The following CKB variants were observed in gnomAD, a reference collection of about 807,000 sequenced individuals.
CKB encodes the protein creatine kinase B, also known as creatine kinase B-type.
In CKB, 15 loss-of-function variants were observed where a neutral mutation model predicts 36.9. That is an observed-to-expected ratio of 0.41 (90% CI 0.27 to 0.63). The LOEUF (loss-of-function observed/expected upper bound fraction) is 0.63, where lower values mean the gene tolerates loss of function less well. Ranked by LOEUF, CKB falls within the 20% of genes least tolerant of loss-of-function variation. CKB has a pLI of 0.34. For missense variants in CKB, 413 were observed against 534.9 expected, an observed-to-expected ratio of 0.77 and a Z score of 2.25; for synonymous variants, 250 against 228.2, an observed-to-expected ratio of 1.10 and a Z score of -0.86.
Position 103,520,568 on chromosome 14 carries a change from C to A in CKB, c.678G>T (p.Leu226=), listed in dbSNP as rs746220920. 3 of 1,613,034 alleles carry A rather than the reference C, an allele frequency of 1.9e-6. No individual in the cohort carries two copies. Among genetic ancestry groups the A allele is most frequent in the Non-Finnish European group, 2.5e-6 (3 of 1,179,748 alleles). ...GIWHNDNKTF[L]VWVNEEDHLR... ...GGTGGTCCTCCTCGTTGACCCACAC[C>A]AGGAAGGTCTTATTGTCATTGTGCC... The change falls in exon 6 of 8, where the codon CTG becomes CTT. Residue 226 remains leucine (L), a synonymous_variant. Transcript: ENST00000348956.
chr14:103,521,414 C>T lies in CKB; in HGVS notation c.502G>A (p.Asp168Asn), dbSNP rs1298678380. ...AVEALSSLDG[D>N]LAGRYYALKS... is the part of the protein sequence containing the mutation. ...AGCGCGTAGTATCGGCCCGCCAGGTCGCCGTCCAGGCTGGACAGGGCTGCG... is the reference window on the plus strand; with the variant it reads ...AGCGCGTAGTATCGGCCCGCCAGGTTGCCGTCCAGGCTGGACAGGGCTGCG... The change falls in exon 5 of 8, where the codon GAC (aspartate) becomes AAC (asparagine). Residue 168 changes from aspartate (D) to asparagine (N), a missense_variant. Physicochemically the swap from Asp to Asn is conservative, Grantham distance 23. Transcript: ENST00000348956. 1.9e-6 allele frequency: 3 copies of T among 1,602,538 alleles called. No individual in the cohort carries two copies. Among genetic ancestry groups the T allele is most frequent in the Non-Finnish European group, 2.5e-6 (3 of 1,178,500 alleles).
At position 103,521,428 on chromosome 14, in the gene CKB, G is replaced by C; in HGVS notation, c.488C>G (p.Ser163Cys). 6.3e-7 allele frequency: 1 copy of C among 1,597,284 alleles called. No individual in the cohort carries two copies. Among genetic ancestry groups the C allele is most frequent in the Non-Finnish European group, 8.5e-7 (1 of 1,177,528 alleles). The change falls in exon 5 of 8, where the codon TCC becomes TGC. Residue 163 changes from serine to cysteine, a missense_variant. Physicochemically the swap from Ser to Cys is moderately radical, Grantham distance 112. Around this residue, in one of 3 missense-constraint regions of CKB, gnomAD observed 314 missense variants for 409.4 expected, o/e 0.77. Transcript: ENST00000348956. ...GCCCGCCAGGTCGCCGTCCAGGCTG[G>C]ACAGGGCTGCGAGGGGTGCGCTCAG... is the stretch of plus-strand genomic sequence containing the variant. ...AIEKLAVEALSSLDGDLAGRY... is the reference protein window; with the variant it reads ...AIEKLAVEALCSLDGDLAGRY...
At chr14:103,521,113 C>T (rs2075897054) in intron 5 of CKB, 150 bp downstream of exon 5, 6 of 988,104 alleles carry the variant, frequency 6.1e-6, no homozygotes, top group Non-Finnish European at 9.2e-6. Context: ...AGGCGCGGCA[C>T]GGAACCCAGA....
At chr14:103,521,586 C>G in intron 4 of CKB, 152 bp from the exon 5 acceptor site, 1 of 912,574 alleles carries the variant, frequency 1.1e-6, no homozygotes. Flanking sequence ...GCCCGGGCGA[C>G]GGTCCCAGGC....
chr14:103,521,017 G>C, intron 5 of CKB: 1 of 628,920 alleles, frequency 1.6e-6, no homozygotes, highest in South Asian at 1.7e-5. Context: ...CTCGGGGTGG[G>C]GAGGTGTTGC....
Position 103,519,920 on chromosome 14 carries a change from C to G in CKB, c.1090G>C (p.Glu364Gln). 6.2e-7 allele frequency: 1 copy of G among 1,609,392 alleles called. No homozygotes were observed. The highest frequency in any genetic ancestry group is 8.5e-7 in the Non-Finnish European group (1 of 1,179,948). Residue 364 changes from glutamate (E) to glutamine (Q), a missense_variant, in exon 8 of 8, where the codon GAG becomes CAG. Glu to Gln is a conservative substitution (Grantham distance 29). This residue lies in a region of CKB where 314 missense variants were observed against 409.4 expected (regional missense o/e 0.77). Transcript: ENST00000348956. ...VDGVKLLIEM[E>Q]QRLEQGQAID... ...GCCTGGCCCTGCTCCAGCCGCTGCT[C>G]CATCTCGATGAGCAGCTTCACTCCG... is the stretch of plus-strand genomic sequence containing the variant.
At chr14:103,520,957 C>A in intron 5 of CKB, 1 of 560,736 alleles carries the variant, frequency 1.8e-6, no homozygotes, top group Non-Finnish European at 3.2e-6. Context: ...AGCTCCAGCT[C>A]CCAGGGCCGT....
Position 103,522,037 on chromosome 14 carries a change from G to C in CKB, c.334C>G (p.Pro112Ala). 11 of 1,550,186 alleles carry C rather than the reference G, an allele frequency of 7.1e-6. No individual in the cohort carries two copies. The highest frequency in any genetic ancestry group is 9.6e-6 in the Non-Finnish European group (11 of 1,147,468). Residue 112 changes from proline (P) to alanine (A), a missense_variant, in exon 3 of 8, where the codon CCC (proline) becomes GCC (alanine). Pro to Ala is a conservative substitution (Grantham distance 27, BLOSUM62 -1). Around this residue, in one of 3 missense-constraint regions of CKB, gnomAD observed 314 missense variants for 409.4 expected, o/e 0.77. Transcript: ENST00000348956. This position sits in a 1 kb window ranked among gnomAD's most constrained non-coding sequence, Gnocchi z 6.7. ...CAGCCCCGCACCTGCAGGTTGTCGG[G>C]GTTGAGGTCGGTCTTGTGCTCATCG... is the stretch of plus-strand genomic sequence containing the variant. The part of the protein sequence containing the change: ...PSDEHKTDLN[P>A]DNLQGGDDLD...
chr14:103,521,800 G>C lies in CKB; in HGVS notation c.481+18C>G. The C allele has an allele frequency of 7.2e-7, 1 of 1,390,864 alleles. No homozygotes were observed. The highest frequency in any genetic ancestry group is 9.3e-7 in the Non-Finnish European group (1 of 1,079,592). The allele number at this position is 1,390,864 out of a possible 1,614,324, so 86.2% of individuals were successfully genotyped here. ...GGGGACGCGGCCGCCGCCGCCCCTC[G>C]GCCCGCCCGGCCCCTACCTTCCACC... On this transcript the variant is annotated intron_variant, in intron 4 of 7. Coordinates refer to ENST00000348956, the MANE Select transcript of CKB (RefSeq NM_001823.5).
At chr14:103,520,686 C>T (rs2075893963) in intron 5 of CKB, 94 bp from the exon 6 acceptor site, 1 of 1,462,322 alleles carries the variant, frequency 6.8e-7, no homozygotes, top group African/African-American at 1.4e-5. Context: ...GTGCTGCTCC[C>T]TGCCATGCCC....
chr14:103,521,168 G>C, intron 5 of CKB, 95 bp downstream of exon 5: 1 of 1,418,850 alleles, frequency 7.0e-7, no homozygotes. Context: ...CCTCCTCCTC[G>C]CCGCGAGGGG....
In CKB at chr14:103,522,636, C is replaced by G; in HGVS notation, c.-13+130G>C. On this transcript the variant is annotated intron_variant, in intron 1 of 7. Coordinates refer to ENST00000348956, the MANE Select transcript of CKB (RefSeq NM_001823.5). This position sits in a 1 kb window ranked among gnomAD's most constrained non-coding sequence, Gnocchi z 6.7. The stretch of plus-strand genomic sequence containing the variant: ...CGGCCAAGGTCAGCGGGGTCCGCAG[C>G]GCGCGCGGGGAGCGCCATCATCGCC... 1 of 473,316 alleles carries G rather than the reference C, an allele frequency of 2.1e-6. No individual in the cohort carries two copies. Among genetic ancestry groups the G allele is most frequent in the Non-Finnish European group, 3.1e-6 (1 of 322,346 alleles). 29.3% of individuals were successfully genotyped at this position (473,316 alleles called of 1,614,324 possible).
At position 103,522,258 on chromosome 14, in the gene CKB, G is replaced by C; in HGVS notation, c.193+43C>G. On this transcript the variant is annotated intron_variant, in intron 2 of 7. Coordinates refer to ENST00000348956, the MANE Select transcript of CKB (RefSeq NM_001823.5). The surrounding 1 kb of genome is among the most constrained non-coding windows in gnomAD (Gnocchi z 6.7). ...CTGCTGAGGACCCTGCGGCTGCGCG[G>C]GGGGAGGGGGGGCCGGGACCCCGGC... 6.3e-7 allele frequency: 1 copy of C among 1,576,434 alleles called. No individual in the cohort carries two copies. The highest frequency in any genetic ancestry group is 8.6e-7 in the Non-Finnish European group (1 of 1,164,956).
Position 103,520,473 on chromosome 14 carries a change from G to A in CKB, c.773C>T (p.Thr258Ile), listed in dbSNP as rs1246863669. The stretch of plus-strand genomic sequence containing the variant: ...GGCCTGCCCCGTCCCTGGCACCTGG[G>A]TGAGGCCGGTGCAGAAGCGGGTGAA... ...EVFTRFCTGLTQIETLFKSKD... is the reference protein window; with the variant it reads ...EVFTRFCTGLIQIETLFKSKD... Residue 258 changes from threonine (T) to isoleucine (I), a missense_variant, in exon 6 of 8, where the codon ACC becomes ATC. By Grantham distance (89) the Thr-to-Ile change is moderately conservative. This residue lies in a region of CKB where 314 missense variants were observed against 409.4 expected (regional missense o/e 0.77). Transcript: ENST00000348956. 2 of 1,600,456 alleles carry A rather than the reference G, an allele frequency of 1.2e-6. No homozygotes were observed. The highest frequency in any genetic ancestry group is 1.7e-6 in the Non-Finnish European group (2 of 1,173,346).
Position 103,522,543 on chromosome 14 carries a change from CG to C in CKB, c.-12-39del. The C allele has an allele frequency of 1.3e-6, 1 of 783,480 alleles. No homozygotes were observed. The highest frequency in any genetic ancestry group is 1.8e-6 in the Non-Finnish European group (1 of 556,754). 48.5% of individuals were successfully genotyped at this position (783,480 alleles called of 1,614,324 possible). A position where few individuals can be genotyped will look rare whatever the true frequency, so the allele number is the denominator to read the frequency against. On this transcript the variant is annotated intron_variant, in intron 1 of 7. Coordinates refer to ENST00000348956, the MANE Select transcript of CKB (RefSeq NM_001823.5). This position sits in a 1 kb window ranked among gnomAD's most constrained non-coding sequence, Gnocchi z 6.7. ...GCGGGGTCAGAGGGGACCGGCACGC[CG>C]GGGTTCCCGGGCTCCCGCGTACCAC...
In CKB at chr14:103,522,346, C is replaced by G. The variant is rs2075909420; in HGVS notation, c.148G>C (p.Gly50Arg). The change falls in exon 2 of 8, where the codon GGC becomes CGC. Residue 50 changes from glycine to arginine, a missense_variant. Gly to Arg is a moderately radical substitution (Grantham distance 125, BLOSUM62 -2). Coordinates refer to ENST00000348956, the MANE Select transcript of CKB (RefSeq NM_001823.5). The surrounding 1 kb of genome is among the most constrained non-coding windows in gnomAD (Gnocchi z 6.7). ...TGGATGACGTCGTCCAGCGTGAAGCCGCTCGGCGTGCTCTTGGCGCGCAGC... is the reference window on the plus strand; with the variant it reads ...TGGATGACGTCGTCCAGCGTGAAGCGGCTCGGCGTGCTCTTGGCGCGCAGC... Reference protein sequence around the residue: ...AELRAKSTPSGFTLDDVIQTG... With the variant: ...AELRAKSTPSRFTLDDVIQTG... 3.1e-6 allele frequency: 5 copies of G among 1,610,550 alleles called. No individual in the cohort carries two copies. Among genetic ancestry groups the G allele is most frequent in the Non-Finnish European group, 4.2e-6 (5 of 1,179,176 alleles).
Position 103,521,385 on chromosome 14 carries a change from C to G in CKB, c.531G>C (p.Lys177Asn). The G allele has an allele frequency of 6.2e-7, 1 of 1,608,786 alleles. No individual in the cohort carries two copies. The highest frequency in any genetic ancestry group is 8.5e-7 in the Non-Finnish European group (1 of 1,179,302). Residue 177 changes from lysine (K) to asparagine (N), a missense_variant, in exon 5 of 8, where the codon AAG becomes AAC. Lys to Asn is a moderately conservative substitution (Grantham distance 94). This residue lies in a region of CKB where 314 missense variants were observed against 409.4 expected (regional missense o/e 0.77). Coordinates refer to ENST00000348956, the MANE Select transcript of CKB (RefSeq NM_001823.5). ...GCTGCTGCTCCGCCTCCGTCATGCT[C>G]TTGAGCGCGTAGTATCGGCCCGCCA... ...GDLAGRYYAL[K>N]SMTEAEQQQL...
Position 103,521,658 on chromosome 14 carries a change from G to GCCT in CKB, c.481+157_481+159dup, listed in dbSNP as rs1233525893. ...CAGGCCGCTGTGGGCGCGGGGCTGG[G>GCCT]CCTCCGTCCCTCGGTCCCTCCGGGA... is the stretch of plus-strand genomic sequence containing the variant. On this transcript the variant is annotated intron_variant, in intron 4 of 7. Coordinates refer to ENST00000348956, the MANE Select transcript of CKB (RefSeq NM_001823.5). 4 of 1,018,266 alleles carry GCCT rather than the reference G, an allele frequency of 3.9e-6. No homozygotes were observed. The Admixed American group carries it at 1.7e-4, about 44-fold the overall frequency. 63.1% of individuals were successfully genotyped at this position (1,018,266 alleles called of 1,614,324 possible).
Position 103,522,590 on chromosome 14 carries a change from C to A in CKB, c.-12-85G>T, listed in dbSNP as rs2075912549. 107 of 888,210 alleles carry A rather than the reference C, an allele frequency of 1.2e-4. 1 individual carries two copies. The South Asian group carries it at 2.8e-3, about 24-fold the overall frequency. 55.0% of individuals were successfully genotyped at this position (888,210 alleles called of 1,614,324 possible). ...ACCACTCAGGCCCCCGCCGCCGGGC[C>A]CCCCGGCGCCCCCCGGGACGCGGCC... On this transcript the variant is annotated intron_variant, in intron 1 of 7. Transcript: ENST00000348956. This position sits in a 1 kb window ranked among gnomAD's most constrained non-coding sequence, Gnocchi z 6.7.
Sources: allele counts gnomAD v4.1 joint callset, GRCh38; gene constraint gnomAD v4.1.1; regional missense constraint gnomAD v4.1.1; non-coding constraint Gnocchi (gnomAD v3.1); transcripts MANE v1.5; gene names NCBI Gene and HGNC (gene_info 2026-07-23, HGNC 2026-07-21).